GLYR1: variants seen among roughly 807,000 people sequenced by gnomAD.
GLYR1 encodes cytokine-like nuclear factor N-PAC.
In GLYR1, 21 loss-of-function variants were observed where a neutral mutation model predicts 72.7. The ratio of observed to expected loss-of-function variants is 0.29; its 90% confidence interval spans 0.20 to 0.42. The LOEUF (loss-of-function observed/expected upper bound fraction) is 0.42, where lower values mean the gene tolerates loss of function less well. Ranked by LOEUF, GLYR1 falls within the 10% of genes least tolerant of loss-of-function variation. The pLI, the probability that GLYR1 is intolerant of heterozygous loss-of-function variation, is 1.00. For synonymous variants in GLYR1, 392 were observed against 270.2 expected, an observed-to-expected ratio of 1.45 and a Z score of -4.42; for missense variants, 594 against 712.1, an observed-to-expected ratio of 0.83 and a Z score of 1.89.
Position 4,817,621 on chromosome 16 carries a change from C to G in GLYR1, c.883G>C (p.Val295Leu). 1.2e-6 allele frequency: 2 copies of G among 1,612,310 alleles called. No individual in the cohort carries two copies. Among genetic ancestry groups the G allele is most frequent in the Non-Finnish European group, 8.5e-7 (1 of 1,178,336 alleles). The change falls in exon 10 of 16, where the codon GTC (valine) becomes CTC (leucine). Residue 295 changes from valine (V) to leucine (L), a missense_variant. By Grantham distance (32) the Val-to-Leu change is conservative. Around this residue, in one of 5 missense-constraint regions of GLYR1, gnomAD observed 266 missense variants for 358.4 expected, o/e 0.74. Transcript: ENST00000321919. ...ACTTTCTCTGCAGTGCGGTTCCAGA[C>G]AGTCACTGTGTGACCCATTTTTAGC... ...NLLKMGHTVT[V>L]WNRTAEKCDL...
chr16:4,836,018 C>T lies in GLYR1; in HGVS notation c.156-3106G>A, dbSNP rs1054227348. Among the ~76,000 whole-genome samples, 14 of 152,204 alleles carry T rather than the reference C, an allele frequency of 9.2e-5. No individual in the cohort carries two copies. In the East Asian group the frequency reaches 2.3e-3, roughly 25 times the overall value. On this transcript the variant is annotated intron_variant, in intron 3 of 15. Transcript: ENST00000321919. ...TTCACCATGTTGCCCAGGTTGGTCTCGAACTCCTGAACTCAAGTAATCTGC... is the reference window on the plus strand; with the variant it reads ...TTCACCATGTTGCCCAGGTTGGTCTTGAACTCCTGAACTCAAGTAATCTGC...
At chr16:4,837,682 G>A (rs1047417129) in intron 3 of GLYR1, among the ~76,000 whole-genome samples, 32 of 152,008 alleles carry the variant, frequency 2.1e-4, no homozygotes, top group African/African-American at 7.2e-4. Context: ...CGGCACGGTA[G>A]CTCACGCCTA....
chr16:4,846,548 C>G (rs1040048964), intron 1 of GLYR1: 23 of 296,524 alleles, frequency 7.8e-5, no homozygotes, highest in Non-Finnish European at 1.4e-4. Context: ...CAACAGGAGA[C>G]CTGCCTGGCT....
chr16:4,810,920 C>A (rs2083291686), intron 15 of GLYR1, among the ~76,000 whole-genome samples: 1 of 151,640 alleles, frequency 6.6e-6, no homozygotes, highest in Non-Finnish European at 1.5e-5. Flanking sequence ...GCCTGAACAA[C>A]AAGGAGAAAC....
At chr16:4,846,521 C>T (rs2086089838) in intron 1 of GLYR1, 2 of 333,642 alleles carry the variant, frequency 6.0e-6, no homozygotes, top group Non-Finnish European at 5.8e-6. Flanking sequence ...CTTTCCCTCC[C>T]TAAGTCTGGT....
chr16:4,846,986 G>C, intron 1 of GLYR1: 1 of 545,642 alleles, frequency 1.8e-6, no homozygotes, highest in South Asian at 2.2e-5. Context: ...CCCGAGTGCA[G>C]ACCCCACCCG....
intron 10 of GLYR1, among the ~76,000 whole-genome samples, chr16:4,815,586 G>T (rs1040501369): frequency 7.9e-5 from 12 of 152,102 alleles, no homozygotes; most frequent in African/African-American, 2.2e-4. Context: ...GAATAAAACA[G>T]GTTCTAAAAG....
intron 1 of GLYR1, 112 bp downstream of exon 1, chr16:4,847,116 C>G (rs2086200233): frequency 9.7e-7 from 1 of 1,030,958 alleles, no homozygotes; most frequent in Non-Finnish European, 1.4e-6. Flanking sequence ...CTCTTCCCCT[C>G]TCTCCGCGAC....
At chr16:4,817,121 T>G (rs2083690388) in intron 10 of GLYR1, among the ~76,000 whole-genome samples, 1 of 151,168 alleles carries the variant, frequency 6.6e-6, no homozygotes, top group Admixed American at 6.6e-5. Flanking sequence ...TTTTTGTATT[T>G]TCTATTTTTT....
In GLYR1 at chr16:4,836,284, G is replaced by A. The variant is rs565470943; in HGVS notation, c.156-3372C>T. Among the ~76,000 whole-genome samples, 9 of 152,300 alleles carry A rather than the reference G, an allele frequency of 5.9e-5. No individual in the cohort carries two copies. In the South Asian group the frequency reaches 1.5e-3, roughly 25 times the overall value. ...ACTGCTCACCAGTGAGTTAAAAGGT[G>A]CTACAATGCTCCAGTGCGTAAGGCT... On this transcript the variant is annotated intron_variant, in intron 3 of 15. Coordinates refer to ENST00000321919, the MANE Select transcript of GLYR1 (RefSeq NM_032569.4).
At chr16:4,815,496 C>T (rs2083579094) in intron 10 of GLYR1, among the ~76,000 whole-genome samples, 2 of 152,322 alleles carry the variant, frequency 1.3e-5, no homozygotes, top group Middle Eastern at 3.4e-3. Context: ...ACTTAGCCCA[C>T]TTTCAATTGT....
In GLYR1 at chr16:4,803,251, G is replaced by A. The variant is rs1014294227; in HGVS notation, c.*1985C>T. On this transcript the variant is annotated 3_prime_UTR_variant, in exon 16 of 16. Transcript: ENST00000321919. Reference sequence around the variant, plus strand: ...TTTTCTTGCAGTAGCTTTGTTAATTGCACAAAATCATGTTTTGTTTTTGCC... The same window carrying A: ...TTTTCTTGCAGTAGCTTTGTTAATTACACAAAATCATGTTTTGTTTTTGCC... 1 of 152,608 alleles carries A rather than the reference G, an allele frequency of 6.6e-6. No individual in the cohort carries two copies. The highest frequency in any genetic ancestry group is 2.4e-5 in the African/African-American group (1 of 41,426). The allele number at this position is 152,608 out of a possible 1,614,324, so 9.5% of individuals were successfully genotyped here.
chr16:4,817,215 G>T (rs1390607783), intron 10 of GLYR1, among the ~76,000 whole-genome samples: 1 of 151,534 alleles, frequency 6.6e-6, no homozygotes, highest in Non-Finnish European at 1.5e-5. Context: ...TGCCTCCCGG[G>T]TTCATGCCAT....
At chr16:4,826,866 G>A (rs1421849975) in intron 5 of GLYR1, among the ~76,000 whole-genome samples, 1 of 152,216 alleles carries the variant, frequency 6.6e-6, no homozygotes, top group African/African-American at 2.4e-5. Flanking sequence ...CTCACCTAAG[G>A]CCACAATGAC....
intron 7 of GLYR1, among the ~76,000 whole-genome samples, chr16:4,822,004 T>C (rs1383012007): frequency 6.6e-6 from 1 of 152,244 alleles, no homozygotes; most frequent in Non-Finnish European, 1.5e-5. Context: ...TGCAATTTCA[T>C]GGGGTGCTGA....
intron 3 of GLYR1, among the ~76,000 whole-genome samples, chr16:4,834,583 T>C (rs917612364): frequency 2.0e-5 from 3 of 152,034 alleles, no homozygotes; most frequent in Non-Finnish European, 4.4e-5. Context: ...ATTCTGCCTC[T>C]ATCTCCCGAG....
chr16:4,831,362 C>A (rs2084783862), intron 5 of GLYR1, among the ~76,000 whole-genome samples: 1 of 152,216 alleles, frequency 6.6e-6, no homozygotes, highest in African/African-American at 2.4e-5. Flanking sequence ...CCCGGGCCCC[C>A]ACTGACTCCA....
rs1260237966 is a variant in GLYR1, at chr16:4,832,901, T to C, written c.167A>G (p.Lys56Arg). ...ATGATATGGCTTCAGCTGTTCCACT[T>C]TGATCCAGGCACTAGCAGAAAACAA... ...FFGTEDHAWIKVEQLKPYHAH... is the reference protein window; with the variant it reads ...FFGTEDHAWIRVEQLKPYHAH... The change falls in exon 4 of 16, where the codon AAA (lysine) becomes AGA (arginine). Residue 56 changes from lysine to arginine, a missense_variant. Around this residue, in one of 5 missense-constraint regions of GLYR1, gnomAD observed 62 missense variants for 82.5 expected, o/e 0.75. Transcript: ENST00000321919. 4 of 1,611,674 alleles carry C rather than the reference T, an allele frequency of 2.5e-6. No individual in the cohort carries two copies. The highest frequency in any genetic ancestry group is 3.4e-6 in the Non-Finnish European group (4 of 1,178,958).
chr16:4,811,326 C>T, intron 14 of GLYR1, 32 bp from the exon 15 acceptor site: 1 of 1,611,618 alleles, frequency 6.2e-7, no homozygotes, highest in African/African-American at 1.3e-5. Context: ...CAGACAAAAG[C>T]CAAGGACCTG....
Sources: gnomAD v4.1 joint callset for allele counts (sites outside exome capture counted in the v4.1 genomes callset) on GRCh38, gnomAD v4.1.1 for gene constraint, gnomAD v4.1.1 regional missense constraint, MANE v1.5 for transcripts, NCBI Gene and HGNC (gene_info 2026-07-23, HGNC 2026-07-21) for gene names.